SPMIP3: variants seen among roughly 807,000 people sequenced by gnomAD.
The protein encoded by SPMIP3 is sperm microtubule inner protein 3, also known as protein SPMIP3.
chr1:244,375,365 G>A, the SPMIP3 span: 5 of 1,609,092 alleles, frequency 3.1e-6, no homozygotes, highest in Admixed American at 5.0e-5. Context: ...CTCACTTTCT[G>A]CTCTAGTATA....
At chr1:244,374,107 C>T in the SPMIP3 span, among the ~76,000 whole-genome samples, 19 of 151,910 alleles carry the variant, frequency 1.3e-4, no homozygotes, top group East Asian at 7.8e-4. Context: ...AGTGAGACTC[C>T]GTCTCAAAAT....
the SPMIP3 span, among the ~76,000 whole-genome samples, chr1:244,369,449 G>A: frequency 1.3e-5 from 2 of 152,182 alleles, no homozygotes; most frequent in Non-Finnish European, 2.9e-5. Flanking sequence ...TTGGAGCAGC[G>A]TCATTTCTCT....
chr1:244,364,828 C>A, the SPMIP3 span: 1 of 1,422,262 alleles, frequency 7.0e-7, no homozygotes, highest in Non-Finnish European at 9.9e-7. Context: ...GTTAGAATTG[C>A]ACATCCTGCT....
At chr1:244,366,672 G>C in the SPMIP3 span, among the ~76,000 whole-genome samples, 1 of 152,108 alleles carries the variant, frequency 6.6e-6, no homozygotes, top group Non-Finnish European at 1.5e-5. Context: ...TTGAGGTCAG[G>C]AGTTCGAGAC....
the SPMIP3 span, chr1:244,378,722 T>A: frequency 2.1e-6 from 3 of 1,420,480 alleles, no homozygotes; most frequent in African/African-American, 2.9e-5. Flanking sequence ...GCTTGCTGTC[T>A]CAGGGAGCCT....
At chr1:244,381,057 G>A in the SPMIP3 span, among the ~76,000 whole-genome samples, 7 of 152,048 alleles carry the variant, frequency 4.6e-5, no homozygotes, top group Non-Finnish European at 8.8e-5. Context: ...CTGGGAGGGC[G>A]TGCAGAGTGG....
chr1:244,354,723 GT>G, the SPMIP3 span, among the ~76,000 whole-genome samples: 1 of 152,124 alleles, frequency 6.6e-6, no homozygotes, highest in East Asian at 1.9e-4. Context: ...TTTTTTAAAT[GT>G]TTTTCAACCA....
chr1:244,375,101 C>G, the SPMIP3 span: 1 of 226,754 alleles, frequency 4.4e-6, no homozygotes, highest in Non-Finnish European at 8.6e-6. Context: ...CCTTATGAAT[C>G]CTGAACATAA....
At chr1:244,355,681 C>G in the SPMIP3 span, among the ~76,000 whole-genome samples, 5 of 152,162 alleles carry the variant, frequency 3.3e-5, no homozygotes, top group Admixed American at 2.6e-4. Flanking sequence ...CCACCGCGCC[C>G]AGCCCCAAAT....
the SPMIP3 span, among the ~76,000 whole-genome samples, chr1:244,377,154 C>T: frequency 3.1e-4 from 46 of 148,692 alleles, no homozygotes; most frequent in Non-Finnish European, 5.2e-4. Flanking sequence ...GACGGAGTCT[C>T]GCTGTCTCCC....
the SPMIP3 span, among the ~76,000 whole-genome samples, chr1:244,383,214 T>C: frequency 6.6e-6 from 1 of 152,180 alleles, no homozygotes; most frequent in Non-Finnish European, 1.5e-5. Flanking sequence ...ACAAGATTTC[T>C]ACACTCAATA....
chr1:244,357,570 G>A, the SPMIP3 span, among the ~76,000 whole-genome samples: 4 of 151,772 alleles, frequency 2.6e-5, no homozygotes, highest in African/African-American at 7.3e-5. Flanking sequence ...TTAGGCGAGC[G>A]TGGTAGAGCA....
the SPMIP3 span, chr1:244,375,588 G>T: frequency 1.7e-6 from 1 of 599,488 alleles, no homozygotes; most frequent in Non-Finnish European, 2.8e-6. Flanking sequence ...AAATAATAAT[G>T]GATAGAAGAG....
At chr1:244,366,784 G>T in the SPMIP3 span, among the ~76,000 whole-genome samples, 1 of 152,186 alleles carries the variant, frequency 6.6e-6, no homozygotes, top group African/African-American at 2.4e-5. Flanking sequence ...GGAAGCTGAG[G>T]CAGGAGAATC....
the SPMIP3 span, among the ~76,000 whole-genome samples, chr1:244,359,301 C>T: frequency 3.9e-5 from 6 of 152,114 alleles, no homozygotes; most frequent in African/African-American, 7.2e-5. Flanking sequence ...ATGCTTGCAT[C>T]GCGTGGCAAC....
the SPMIP3 span, chr1:244,375,324 C>A: frequency 2.1e-6 from 3 of 1,454,014 alleles, no homozygotes; most frequent in East Asian, 4.6e-5. Flanking sequence ...CTGGAATGAA[C>A]TAATTGTAAG....
At chr1:244,376,823 T>C in the SPMIP3 span, among the ~76,000 whole-genome samples, 4 of 152,166 alleles carry the variant, frequency 2.6e-5, no homozygotes, top group African/African-American at 7.2e-5. Flanking sequence ...CCCCCTTTTT[T>C]TTTTTAGATG....
At chr1:244,353,650 T>C in the SPMIP3 span, among the ~76,000 whole-genome samples, 5 of 152,072 alleles carry the variant, frequency 3.3e-5, no homozygotes, top group Non-Finnish European at 7.4e-5. Flanking sequence ...AGGGAACGTA[T>C]GTAGGACCTG....
the SPMIP3 span, among the ~76,000 whole-genome samples, chr1:244,367,388 T>C: frequency 2.0e-4 from 31 of 151,942 alleles, no homozygotes; most frequent in African/African-American, 5.5e-4. Context: ...GGGGAGGCAA[T>C]GGTGAGCTGG....
Sources: gnomAD v4.1 joint callset for allele counts (sites outside exome capture counted in the v4.1 genomes callset) on GRCh38, gnomAD v4.1.1 for gene constraint, MANE v1.5 for transcripts, NCBI Gene and HGNC (gene_info 2026-07-23, HGNC 2026-07-21) for gene names.